TASOR2: variants seen among roughly 807,000 people sequenced by gnomAD.
TASOR2 encodes transcription activation suppressor family member 2.
Under a neutral mutation model 199.5 loss-of-function variants are expected in TASOR2, and 84 were observed. That is an observed-to-expected ratio of 0.42 (90% confidence interval 0.35 to 0.50). TASOR2 has a LOEUF of 0.50. Among genes scored for constraint, TASOR2 ranks in the 20% least tolerant of loss-of-function variants. TASOR2 has a pLI of 0.02. For synonymous variants in TASOR2, 1,103 were observed against 1,046.6 expected (o/e 1.05, Z -1.04); for missense variants, 2,796 against 2,835.9 (o/e 0.99, Z 0.32).
rs1044506909 is a variant in TASOR2, at chr10:5,685,028, C to A, written c.-435C>A. ...GGCGTGCCCCTGAGGGGGGTCCCCG[C>A]GGGAGCGCGGAGCCGGCGACTGGTG... On this transcript the variant is annotated 5_prime_UTR_variant, in exon 1 of 21. Coordinates refer to ENST00000328090, the Ensembl canonical transcript of TASOR2. This position sits in a 1 kb window ranked among gnomAD's most constrained non-coding sequence, Gnocchi z 5.4. The A allele has an allele frequency of 5.0e-6, 2 of 397,602 alleles. No individual in the cohort carries two copies. The highest frequency in any genetic ancestry group is 2.5e-4 in the South Asian group (2 of 7,866). 24.6% of individuals were successfully genotyped at this position (397,602 alleles called of 1,614,324 possible). A position where few individuals can be genotyped will look rare whatever the true frequency, so the allele number is the denominator to read the frequency against.
rs572848665 is a variant in TASOR2, at chr10:5,718,116, A to G, written c.-100+366A>G. Among the ~76,000 whole-genome samples, 154 of 152,274 alleles carry G rather than the reference A, an allele frequency of 1.0e-3. 1 individual carries two copies. Among genetic ancestry groups the G allele is most frequent in the African/African-American group, 3.5e-3 (147 of 41,548 alleles). ...ATTCATTGTCTAATTTAAATGGTCA[A>G]TAGAATCTTTATTTTCTTTCTCCAT... On this transcript the variant is annotated intron_variant, in intron 3 of 20. Coordinates refer to ENST00000328090, the Ensembl canonical transcript of TASOR2.
In TASOR2 at chr10:5,719,140, A is replaced by G. The variant is rs1833034937; in HGVS notation, c.-100+1390A>G. Among the ~76,000 whole-genome samples, 1 of 152,144 alleles carries G rather than the reference A, an allele frequency of 6.6e-6. No homozygotes were observed. Among genetic ancestry groups the G allele is most frequent in the African/African-American group, 2.4e-5 (1 of 41,420 alleles). On this transcript the variant is annotated intron_variant, in intron 3 of 20. Transcript: ENST00000328090. The surrounding 1 kb of genome is among the most constrained non-coding windows in gnomAD (Gnocchi z 4.1). The stretch of plus-strand genomic sequence containing the variant: ...GTAAATGAAGAGGCAGGACTTAAAC[A>G]ACAACAAAACATCTTCTTTTTTAAA...
rs759358548 is a variant in TASOR2 at position 5,748,578 on chromosome 10, C to A, written c.5157C>A (p.Thr1719=). 6.2e-7 allele frequency: 1 copy of A among 1,613,624 alleles called. No individual in the cohort carries two copies. Among genetic ancestry groups the A allele is most frequent in the Non-Finnish European group, 8.5e-7 (1 of 1,180,038 alleles). Residue 1719 remains threonine (T), a synonymous_variant, in exon 15 of 21, where the codon ACC becomes ACA. Coordinates refer to ENST00000328090, the Ensembl canonical transcript of TASOR2. The surrounding 1 kb of genome is among the most constrained non-coding windows in gnomAD (Gnocchi z 5.1). ...GCACTGCTGGCCCTCAGTCCAACAC[C>A]ACATCTTCTCTAAAAGGTGAACGCA...
Position 5,748,397 on chromosome 10 carries a change from G to C in TASOR2, c.4976G>C (p.Cys1659Ser). The C allele has an allele frequency of 3.1e-6, 5 of 1,614,204 alleles. No homozygotes were observed. Among genetic ancestry groups the C allele is most frequent in the Non-Finnish European group, 4.2e-6 (5 of 1,180,046 alleles). ...ATGTGCTCAGTGGTCCCCACGCTTT[G>C]TTCTTCCTCAGACAATGCTACATTA... The change falls in exon 15 of 21, where the codon TGT becomes TCT. Residue 1659 changes from cysteine (C) to serine (S), a missense_variant. Around this residue, in one of 3 missense-constraint regions of TASOR2, gnomAD observed 1,941 missense variants for 1,924.9 expected, o/e 1.01. Coordinates refer to ENST00000328090, the Ensembl canonical transcript of TASOR2. This position sits in a 1 kb window ranked among gnomAD's most constrained non-coding sequence, Gnocchi z 5.1.
chr10:5,685,028 C>T lies in TASOR2; in HGVS notation c.-435C>T, dbSNP rs1044506909. On this transcript the variant is annotated 5_prime_UTR_variant, in exon 1 of 21. Coordinates refer to ENST00000328090, the Ensembl canonical transcript of TASOR2. This position sits in a 1 kb window ranked among gnomAD's most constrained non-coding sequence, Gnocchi z 5.4. ...GGCGTGCCCCTGAGGGGGGTCCCCG[C>T]GGGAGCGCGGAGCCGGCGACTGGTG... 3.3e-5 allele frequency: 13 copies of T among 397,602 alleles called. No homozygotes were observed. The highest frequency in any genetic ancestry group is 8.2e-5 in the African/African-American group (4 of 48,578). The allele number at this position is 397,602 out of a possible 1,614,324, so 24.6% of individuals were successfully genotyped here.
In TASOR2 at chr10:5,689,866, ATAAGT is replaced by A. The variant is rs1156775536; in HGVS notation, c.-288+4695_-288+4699del. 6.6e-6 allele frequency among the ~76,000 whole-genome samples: 1 copy of A among 152,148 alleles called. No individual in the cohort carries two copies. Among genetic ancestry groups the A allele is most frequent in the Non-Finnish European group, 1.5e-5 (1 of 68,034 alleles). On this transcript the variant is annotated intron_variant, in intron 1 of 20. Transcript: ENST00000328090. The surrounding 1 kb of genome is among the most constrained non-coding windows in gnomAD (Gnocchi z 4.1). The stretch of plus-strand genomic sequence containing the variant: ...ACTTGTGGATTTTTGATAATTTTTG[ATAAGT>A]TAAAAGTAAAACAGGAAATCTCTGG...
rs11254828 is a variant in TASOR2, at chr10:5,722,518, A to T, written c.147-1159A>T. Among the ~76,000 whole-genome samples the T allele has an allele frequency of 0.14, 20,648 of 152,004 alleles. 3,150 individuals carry two copies. Among genetic ancestry groups the T allele is most frequent in the East Asian group, 0.44 (2,246 of 5,148 alleles). The stretch of plus-strand genomic sequence containing the variant: ...CACACAGAGAGGTATGTGACATAAA[A>T]GGGCATCAGGTTTGCATCTTACTCC... On this transcript the variant is annotated intron_variant, in intron 6 of 20. Transcript: ENST00000328090. This position sits in a 1 kb window ranked among gnomAD's most constrained non-coding sequence, Gnocchi z 4.0.
At chr10:5,749,840 G>A (rs753245097) in exon 15 of TASOR2, 2 of 1,614,022 alleles carry the variant, frequency 1.2e-6, no homozygotes, top group East Asian at 2.2e-5. Flanking sequence ...GATGTTTCTG[G>A]AGAAGCCACT....
chr10:5,749,737 A>G lies in TASOR2; in HGVS notation c.6316A>G (p.Asn2106Asp), dbSNP rs1564358751. The change falls in exon 15 of 21, where the codon AAT becomes GAT. Residue 2106 changes from asparagine (N) to aspartate (D), a missense_variant. This residue lies in a region of TASOR2 where 1,941 missense variants were observed against 1,924.9 expected (regional missense o/e 1.01). Transcript: ENST00000328090. ...CAACAGTACTGTGAAGGAATCTCGG[A>G]ATGATATTTCACTTATTCTCAATGA... The G allele has an allele frequency of 4.3e-6, 7 of 1,614,106 alleles. No homozygotes were observed. The Admixed American group carries it at 5.0e-5, about 12-fold the overall frequency.
Position 5,742,312 on chromosome 10 carries a change from C to G in TASOR2, c.2543C>G (p.Ser848Cys). 1 of 1,614,148 alleles carries G rather than the reference C, an allele frequency of 6.2e-7. No homozygotes were observed. Among genetic ancestry groups the G allele is most frequent in the South Asian group, 1.1e-5 (1 of 91,078 alleles). The change falls in exon 14 of 21, where the codon TCT (serine) becomes TGT (cysteine). Residue 848 changes from serine (S) to cysteine (C), a missense_variant. Around this residue, in one of 3 missense-constraint regions of TASOR2, gnomAD observed 1,941 missense variants for 1,924.9 expected, o/e 1.01. Coordinates refer to ENST00000328090, the Ensembl canonical transcript of TASOR2. This position sits in a 1 kb window ranked among gnomAD's most constrained non-coding sequence, Gnocchi z 4.2. ...GAGTCCCTTGGTTTGGAAAAATGTTCTGCAGACTCTCTGTTGGAGACTAAC... is the reference window on the plus strand; with the variant it reads ...GAGTCCCTTGGTTTGGAAAAATGTTGTGCAGACTCTCTGTTGGAGACTAAC...
rs1248631565 is a variant in TASOR2, at chr10:5,757,569, G to C, written c.6782G>C (p.Gly2261Ala). 6.2e-7 allele frequency: 1 copy of C among 1,612,612 alleles called. No individual in the cohort carries two copies. The highest frequency in any genetic ancestry group is 2.2e-5 in the East Asian group (1 of 44,758). Residue 2261 changes from glycine to alanine, a missense_variant, in exon 17 of 21, where the codon GGA becomes GCA. Transcript: ENST00000328090. Reference sequence around the variant, plus strand: ...CATTTCCCCAGTGTCATCTTTGCTGGAGTAGACAGCCCTGGAGATGTTCTT... The same window carrying C: ...CATTTCCCCAGTGTCATCTTTGCTGCAGTAGACAGCCCTGGAGATGTTCTT...
exon 15 of TASOR2, chr10:5,749,011 G>T (rs1340986948): frequency 6.2e-7 from 1 of 1,614,152 alleles, no homozygotes; most frequent in African/African-American, 1.3e-5. Context: ...TGTTCCCACA[G>T]ATGGCTATGA....
chr10:5,727,217 T>G, intron 10 of TASOR2, 94 bp downstream of exon 11: 1 of 1,298,506 alleles, frequency 7.7e-7, no homozygotes, highest in Non-Finnish European at 1.1e-6. Flanking sequence ...CACTGTTGAC[T>G]GTTTTTTCCT....
At chr10:5,688,126 C>T (rs543612368) in intron 1 of TASOR2, among the ~76,000 whole-genome samples, 1 of 152,304 alleles carries the variant, frequency 6.6e-6, no homozygotes, top group Non-Finnish European at 1.5e-5. Context: ...CAGCGTCATT[C>T]AGCTGAGTAG....
In TASOR2 at chr10:5,687,769, G is replaced by C. The variant is rs190402594; in HGVS notation, c.-288+2594G>C. 1.2e-3 allele frequency among the ~76,000 whole-genome samples: 178 copies of C among 152,370 alleles called. No individual in the cohort carries two copies. Among genetic ancestry groups the C allele is most frequent in the African/African-American group, 3.9e-3 (161 of 41,586 alleles). ...TGGGAGACAGGTTGCAGTGAGCCAA[G>C]GTTGTGTCACTCTACGGCAGCCTGG... On this transcript the variant is annotated intron_variant, in intron 1 of 20. Coordinates refer to ENST00000328090, the Ensembl canonical transcript of TASOR2. This position sits in a 1 kb window ranked among gnomAD's most constrained non-coding sequence, Gnocchi z 4.8.
chr10:5,746,608 C>T (rs769408882), exon 15 of TASOR2: 3 of 1,614,136 alleles, frequency 1.9e-6, no homozygotes, highest in Non-Finnish European at 2.5e-6. Context: ...TGCACATGTA[C>T]CAATACAGAC....
chr10:5,718,798 G>T (rs1832990191), intron 3 of TASOR2, among the ~76,000 whole-genome samples: 1 of 149,416 alleles, frequency 6.7e-6, no homozygotes, highest in Non-Finnish European at 1.5e-5. Flanking sequence ...GAGTAACATT[G>T]CTTTGAGGTA....
intron 20 of TASOR2, 104 bp downstream of exon 21, chr10:5,762,750 T>C: frequency 1.4e-6 from 1 of 718,020 alleles, no homozygotes; most frequent in East Asian, 2.7e-5. Context: ...GTTGTTTACA[T>C]ACTTCATGCT....
chr10:5,687,525 G>C lies in TASOR2; in HGVS notation c.-288+2350G>C, dbSNP rs1835931743. On this transcript the variant is annotated intron_variant, in intron 1 of 20. Transcript: ENST00000328090. The surrounding 1 kb of genome is among the most constrained non-coding windows in gnomAD (Gnocchi z 4.8). ...CCCAGGACCCCTCTACACTTTTTAA[G>C]AACCATTGAGGGGGCCAGGTACGGT... 1.3e-5 allele frequency among the ~76,000 whole-genome samples: 2 copies of C among 152,208 alleles called. No homozygotes were observed. Among genetic ancestry groups the C allele is most frequent in the Admixed American group, 6.5e-5 (1 of 15,286 alleles).
Sources: gnomAD v4.1 joint callset for allele counts (sites outside exome capture counted in the v4.1 genomes callset) on GRCh38, gnomAD v4.1.1 for gene constraint, gnomAD v4.1.1 regional missense constraint, Gnocchi (gnomAD v3.1) non-coding constraint, MANE v1.5 for transcripts, NCBI Gene and HGNC (gene_info 2026-07-23, HGNC 2026-07-21) for gene names.